Variants in DAP3 observed in about 807,000 individuals in gnomAD.
DAP3 encodes small ribosomal subunit protein mS29.
Under a neutral mutation model 51.9 loss-of-function variants are expected in DAP3, and 28 were observed. The ratio of observed to expected loss-of-function variants is 0.54; its 90% CI spans 0.40 to 0.74. The LOEUF (loss-of-function observed/expected upper bound fraction) is 0.74. Ranked by LOEUF, DAP3 falls within the 30% of genes least tolerant of loss-of-function variation. The probability of loss-of-function intolerance (pLI) is 0.00; values close to 1 mark genes in which losing one functional copy is unlikely to be tolerated. For missense variants in DAP3, 458 were observed against 483.5 expected, an observed-to-expected ratio of 0.95 and a Z score of 0.49; for synonymous variants, 170 against 170.3, an observed-to-expected ratio of 1.00 and a Z score of 0.01.
chr1:155,729,187 A>G lies in DAP3; in HGVS notation c.685-21A>G, dbSNP rs144563957. The stretch of plus-strand genomic sequence containing the variant: ...AGAGAAGGCCTCTGGTAGCACTACA[A>G]TCCACTGTCTCTCCCAATAGGGCAT... On this transcript the variant is annotated intron_variant, in intron 8 of 12. Transcript: ENST00000368336. The G allele has an allele frequency of 6.2e-3, 10,055 of 1,614,140 alleles. 68 individuals carry two copies. Among genetic ancestry groups the G allele is most frequent in the South Asian group, 0.015 (1,353 of 91,088 alleles).
chr1:155,707,720 T>C (rs1007095816), intron 1 of DAP3, among the ~76,000 whole-genome samples: 2 of 152,158 alleles, frequency 1.3e-5, no homozygotes, highest in African/African-American at 4.8e-5. Flanking sequence ...TTATTCTAAA[T>C]GTTGTTTTTA....
At chr1:155,688,220 A>C (rs771133757), upstream of DAP3, 1 of 1,613,412 alleles carries the variant, frequency 6.2e-7, no homozygotes, top group Non-Finnish European at 8.5e-7. Context: ...AATGCGAGAG[A>C]GGAGAAGGGA....
intron 1 of DAP3, among the ~76,000 whole-genome samples, chr1:155,704,198 A>G (rs1237580417): frequency 6.6e-6 from 1 of 152,240 alleles, no homozygotes; most frequent in Non-Finnish European, 1.5e-5. Context: ...GCAAGGCTTC[A>G]GTGGAGAAAA....
At chr1:155,716,397 A>G (rs1218865879) in intron 2 of DAP3, among the ~76,000 whole-genome samples, 2 of 151,230 alleles carry the variant, frequency 1.3e-5, no homozygotes, top group Non-Finnish European at 3.0e-5. Context: ...CCTACTAAAA[A>G]TACACCTCTA....
chr1:155,728,479 T>C (rs1159199578), intron 7 of DAP3, among the ~76,000 whole-genome samples: 2 of 152,070 alleles, frequency 1.3e-5, no homozygotes, highest in Non-Finnish European at 2.9e-5. Context: ...GGGGAATCTC[T>C]TGAACCTGGG....
chr1:155,725,602 C>G (rs1303240797), intron 5 of DAP3, 112 bp downstream of exon 5: 15 of 1,014,320 alleles, frequency 1.5e-5, no homozygotes, highest in Admixed American at 1.0e-4. Context: ...GTAGCTCACA[C>G]CTATAATCCC....
intron 2 of DAP3, chr1:155,710,658 T>C (rs28662267): frequency 0.29 from 44,703 of 152,066 alleles, 7,271 homozygotes; most frequent in East Asian, 0.7. Flanking sequence ...TTAATCCTCA[T>C]GATCAACCCA....
chr1:155,700,184 C>G (rs2149121327), intron 1 of DAP3, among the ~76,000 whole-genome samples: 1 of 152,348 alleles, frequency 6.6e-6, no homozygotes, highest in South Asian at 2.1e-4. Context: ...ATCTGCCCGC[C>G]TTGGCCTCCC....
upstream of DAP3, chr1:155,689,062 T>C: frequency 6.5e-7 from 1 of 1,529,238 alleles, no homozygotes; most frequent in Non-Finnish European, 8.8e-7. Context: ...CGTTGAGTCG[T>C]TTCCTGCCGG....
intron 6 of DAP3, chr1:155,726,697 A>C (rs1169299803): frequency 6.6e-6 from 1 of 151,788 alleles, no homozygotes; most frequent in Non-Finnish European, 1.5e-5. Context: ...TGAGGCTGGA[A>C]TATTGCTTAG....
intron 4 of DAP3, among the ~76,000 whole-genome samples, chr1:155,722,662 A>G (rs1240717558): frequency 6.6e-6 from 1 of 152,006 alleles, no homozygotes; most frequent in Non-Finnish European, 1.5e-5. Flanking sequence ...AAAAAAAAGA[A>G]AAACATTTAG....
upstream of DAP3, chr1:155,688,436 G>A (rs111741196): frequency 3.5e-5 from 54 of 1,545,638 alleles, no homozygotes; most frequent in Admixed American, 7.9e-5. Flanking sequence ...TCTTCCCCAC[G>A]GTCCCCCGCT....
intron 1 of DAP3, among the ~76,000 whole-genome samples, chr1:155,702,373 T>C (rs571870980): frequency 1.3e-3 from 195 of 152,120 alleles, no homozygotes; most frequent in Non-Finnish European, 2.5e-3. Context: ...CTCGGGAGGC[T>C]GAGGCAGGAG....
At chr1:155,710,060 C>A in intron 2 of DAP3, 1 of 396,126 alleles carries the variant, frequency 2.5e-6, no homozygotes, top group Non-Finnish European at 4.5e-6. Flanking sequence ...TTTCTCTAGC[C>A]AACTAGAGAA....
At chr1:155,700,162 C>T (rs1366088642) in intron 1 of DAP3, among the ~76,000 whole-genome samples, 1 of 152,064 alleles carries the variant, frequency 6.6e-6, no homozygotes, top group Non-Finnish European at 1.5e-5. Flanking sequence ...GTCTCAATCT[C>T]TTGACTTCAT....
intron 1 of DAP3, among the ~76,000 whole-genome samples, chr1:155,700,601 G>C (rs1346073783): frequency 1.4e-5 from 2 of 147,476 alleles, no homozygotes; most frequent in Non-Finnish European, 3.0e-5. Flanking sequence ...CAGCCGCCCC[G>C]TCCGGGAGGT....
At chr1:155,695,896 C>T (rs914389765) in intron 1 of DAP3, among the ~76,000 whole-genome samples, 3 of 152,092 alleles carry the variant, frequency 2.0e-5, no homozygotes, top group African/African-American at 4.8e-5. Context: ...GAGTAATTTT[C>T]GGAAGAACCT....
At chr1:155,732,438 C>T (rs1659344182) in intron 11 of DAP3, among the ~76,000 whole-genome samples, 1 of 151,918 alleles carries the variant, frequency 6.6e-6, no homozygotes, top group Non-Finnish European at 1.5e-5. Flanking sequence ...ACCATGTTGG[C>T]CAGGCTGGTT....
intron 1 of DAP3, among the ~76,000 whole-genome samples, chr1:155,707,501 A>C (rs781321198): frequency 8.5e-5 from 13 of 152,144 alleles, no homozygotes; most frequent in Non-Finnish European, 1.9e-4. Flanking sequence ...GGATATTGAG[A>C]GTTACATTTA....
Sources: allele counts gnomAD v4.1 joint callset (sites outside exome capture counted in the v4.1 genomes callset), GRCh38; gene constraint gnomAD v4.1.1; transcripts MANE v1.5; gene names NCBI Gene and HGNC (gene_info 2026-07-23, HGNC 2026-07-21).